Variants in HEG1 observed in about 807,000 individuals in gnomAD.
HEG1 encodes protein HEG homolog 1.
Under a neutral mutation model 125.6 loss-of-function variants are expected in HEG1, and 56 were observed. That is an observed-to-expected ratio of 0.45 (90% CI 0.36 to 0.56). The LOEUF (loss-of-function observed/expected upper bound fraction) is 0.56. HEG1 is among the 20% of genes least tolerant of loss of function. HEG1 has a pLI of 0.00. For synonymous variants in HEG1, 644 were observed against 668.5 expected, an observed-to-expected ratio of 0.96 and a Z score of 0.57; for missense variants, 1,523 against 1,670.0, an observed-to-expected ratio of 0.91 and a Z score of 1.53.
intron 14 of HEG1, among the ~76,000 whole-genome samples, chr3:124,979,535 T>C (rs1936611848): frequency 6.6e-6 from 1 of 152,228 alleles, no homozygotes. Context: ...TCTGGTAAAA[T>C]CATATCTTCA....
chr3:125,010,312 A>T, intron 7 of HEG1, 127 bp downstream of exon 7: 1 of 603,666 alleles, frequency 1.7e-6, no homozygotes, highest in South Asian at 2.2e-5. Flanking sequence ...AAACATGCTG[A>T]CTCTCAAGTA....
chr3:124,977,900 G>C lies in HEG1; in HGVS notation c.3780C>G (p.Leu1260=). ...TCAGTGCGATGCCTAGGATGAGCAG[G>C]AGCCCACCTCCCGCGGCTGCGATCA... ...TVVIAAAGGG[L]LLILGIALIV... is the part of the protein sequence containing the mutation. Residue 1260 remains leucine (L), a synonymous_variant, in exon 15 of 17, where the codon CTC becomes CTG. Coordinates refer to ENST00000311127, the MANE Select transcript of HEG1 (RefSeq NM_020733.2). 1.3e-6 allele frequency: 2 copies of C among 1,581,038 alleles called. No homozygotes were observed. The highest frequency in any genetic ancestry group is 1.7e-6 in the Non-Finnish European group (2 of 1,163,506).
Position 125,055,931 on chromosome 3 carries a change from G to GCA in HEG1, c.-42_-41insTG. On this transcript the variant is annotated 5_prime_UTR_variant, in exon 1 of 17. Transcript: ENST00000311127. ...CCGCGCTCACATGCCCGGCGCGCGG[G>GCA]GCGAGGGCAGCGGGCAGCGGGCAGC... 1.1e-6 allele frequency: 1 copy of GCA among 947,700 alleles called. No individual in the cohort carries two copies. The allele number at this position is 947,700 out of a possible 1,614,324, so 58.7% of individuals were successfully genotyped here. A position where few individuals can be genotyped will look rare whatever the true frequency, so the allele number is the denominator to read the frequency against.
At chr3:125,020,189 G>A (rs569292995) in intron 4 of HEG1, among the ~76,000 whole-genome samples, 2 of 152,310 alleles carry the variant, frequency 1.3e-5, no homozygotes, top group South Asian at 4.1e-4. Context: ...CACTTTGGGA[G>A]GGCAAGGCAG....
chr3:124,980,149 T>A (rs932067003), intron 14 of HEG1, among the ~76,000 whole-genome samples: 1 of 152,216 alleles, frequency 6.6e-6, no homozygotes, highest in African/African-American at 2.4e-5. Context: ...TCCCCCAACA[T>A]GGCTCTGAGC....
intron 15 of HEG1, among the ~76,000 whole-genome samples, chr3:124,976,182 T>TTTTTG (rs1048889099): frequency 7.2e-5 from 11 of 152,188 alleles, no homozygotes; most frequent in East Asian, 1.9e-4. Context: ...TCTAGGTGTT[T>TTTTTG]TTTTGTTTTG....
At position 125,035,596 on chromosome 3, in the gene HEG1, C is replaced by T. The variant is rs189167949; in HGVS notation, c.317-6108G>A. 1.8e-4 allele frequency among the ~76,000 whole-genome samples: 27 copies of T among 152,170 alleles called. No homozygotes were observed. In the East Asian group the frequency reaches 3.7e-3, roughly 21 times the overall value. On this transcript the variant is annotated intron_variant, in intron 1 of 16. Transcript: ENST00000311127. ...ATCTTCAGACTATCAAATAAAAACA[C>T]GTTCAGTCAAAATTGAGTTTTTCAA...
At chr3:125,049,699 T>G (rs1185319115) in intron 1 of HEG1, among the ~76,000 whole-genome samples, 1 of 152,140 alleles carries the variant, frequency 6.6e-6, no homozygotes, top group Non-Finnish European at 1.5e-5. Flanking sequence ...TCCCTTTCAA[T>G]TTCCACTACC....
At chr3:124,978,089 A>G in intron 14 of HEG1, 143 bp from the exon 15 acceptor site, 1 of 591,474 alleles carries the variant, frequency 1.7e-6, no homozygotes, top group Non-Finnish European at 3.0e-6. Flanking sequence ...CTCTCTGGCA[A>G]GGGATCCTCA....
intron 3 of HEG1, 21 bp from the exon 4 acceptor site, chr3:125,021,151 CT>C: frequency 6.6e-7 from 1 of 1,512,092 alleles, no homozygotes; most frequent in East Asian, 2.5e-5. Flanking sequence ...AAAAGATATG[CT>C]TCAAAATTAC....
chr3:124,970,902 T>C (rs1936412146), intron 16 of HEG1, 101 bp from the exon 17 acceptor site: 1 of 1,036,596 alleles, frequency 9.6e-7, no homozygotes, highest in African/African-American at 1.6e-5. Context: ...AGAAAAGATC[T>C]GGGTTTATCC....
chr3:124,999,987 C>A (rs527381847), intron 11 of HEG1, among the ~76,000 whole-genome samples: 19 of 152,184 alleles, frequency 1.2e-4, no homozygotes, highest in African/African-American at 4.6e-4. Flanking sequence ...TAGCCCAGCA[C>A]TGCCCTTATG....
intron 10 of HEG1, 72 bp from the exon 11 acceptor site, chr3:125,002,084 T>C (rs535454797): frequency 1.3e-6 from 2 of 1,575,578 alleles, no homozygotes; most frequent in East Asian, 4.5e-5. Flanking sequence ...TGGAAATGAA[T>C]GTCATCGCCA....
chr3:124,980,610 A>G (rs1385001975), intron 14 of HEG1, among the ~76,000 whole-genome samples: 2 of 151,930 alleles, frequency 1.3e-5, no homozygotes, highest in East Asian at 1.9e-4. Context: ...TCTTCCTCCC[A>G]GGTTCAAGCG....
chr3:125,029,125 A>G, intron 2 of HEG1, 70 bp downstream of exon 2: 5 of 1,495,008 alleles, frequency 3.3e-6, no homozygotes, highest in Non-Finnish European at 4.5e-6. Flanking sequence ...GGTTGTGGGG[A>G]ATGGCAGAAA....
Position 124,970,684 on chromosome 3 carries a change from T to A in HEG1, c.4114A>T (p.Ser1372Cys). 2 of 1,606,270 alleles carry A rather than the reference T, an allele frequency of 1.2e-6. No individual in the cohort carries two copies. The highest frequency in any genetic ancestry group is 2.2e-5 in the East Asian group (1 of 44,738). Residue 1372 changes from serine (S) to cysteine (C), a missense_variant, in exon 17 of 17, where the codon AGT becomes TGT. Coordinates refer to ENST00000311127, the MANE Select transcript of HEG1 (RefSeq NM_020733.2). The stretch of plus-strand genomic sequence containing the variant: ...TAGTCTCTTCTTCTGCTTTCATCAC[T>A]GATGAAAGACGGGTTATACTGTCCG... ...FPGQYNPSFI[S>C]DESRRRDYF
chr3:124,966,271 C>T lies in HEG1; in HGVS notation c.*4381G>A, dbSNP rs143989022. On this transcript the variant is annotated 3_prime_UTR_variant, in exon 17 of 17. Coordinates refer to ENST00000311127, the MANE Select transcript of HEG1 (RefSeq NM_020733.2). The stretch of plus-strand genomic sequence containing the variant: ...GTGACAGACCCAGTCTCGGACCTGT[C>T]GCTTTTTAGACCTGAATGGTCCCCC... The T allele has an allele frequency of 4.6e-5, 7 of 152,312 alleles. No homozygotes were observed. The East Asian group carries it at 1.2e-3, about 25-fold the overall frequency. The allele number at this position is 152,312 out of a possible 1,614,324, so 9.4% of individuals were successfully genotyped here. A position where few individuals can be genotyped will look rare whatever the true frequency, so the allele number is the denominator to read the frequency against.
At position 125,021,014 on chromosome 3, in the gene HEG1, G is replaced by T. The variant is rs761028142; in HGVS notation, c.1030C>A (p.Arg344=). 1.2e-5 allele frequency: 19 copies of T among 1,613,568 alleles called. No individual in the cohort carries two copies. In the Admixed American group the frequency reaches 2.3e-4, roughly 20 times the overall value. The part of the protein sequence containing the change: ...VFTDGGPRTL[R]SLTVSLGPVS... ...GGTCCCAGACTGACCGTCAAAGATC[G>T]CAGCGTTCTCGGGCCACCATCAGTG... The change falls in exon 4 of 17, where the codon CGA becomes AGA. Residue 344 remains arginine (R), a synonymous_variant. Coordinates refer to ENST00000311127, the MANE Select transcript of HEG1 (RefSeq NM_020733.2).
chr3:125,018,100 T>G (rs149280218), intron 5 of HEG1, among the ~76,000 whole-genome samples: 1 of 152,264 alleles, frequency 6.6e-6, no homozygotes, highest in East Asian at 1.9e-4. Flanking sequence ...CACAGCATTA[T>G]TCATAATAGC....
Sources: allele counts gnomAD v4.1 joint callset (sites outside exome capture counted in the v4.1 genomes callset), GRCh38; gene constraint gnomAD v4.1.1; transcripts MANE v1.5; gene names NCBI Gene and HGNC (gene_info 2026-07-23, HGNC 2026-07-21).